CDC20B: variants seen among roughly 807,000 people sequenced by gnomAD.
CDC20B encodes cell division cycle protein 20 homolog B.
In CDC20B, 58 loss-of-function variants were observed where a neutral mutation model predicts 64.1. The observed-to-expected ratio is 0.90, with a 90% confidence interval of 0.73 to 1.13. The LOEUF (loss-of-function observed/expected upper bound fraction) is 1.13, where lower values mean the gene tolerates loss of function less well. Ranked by LOEUF, CDC20B falls within the 50% of genes most tolerant of loss-of-function variation. The pLI is 0.00. For synonymous variants in CDC20B, 243 were observed against 230.6 expected (o/e 1.05, Z -0.49); for missense variants, 597 against 633.0 (o/e 0.94, Z 0.61).
At chr5:55,136,529 A>G (rs188048135) in intron 5 of CDC20B, 1 of 151,496 alleles carries the variant, frequency 6.6e-6, no homozygotes, top group African/African-American at 2.4e-5. Flanking sequence ...ACTGCACTCC[A>G]GCCTGGACGA....
At chr5:55,171,252 G>T (rs1651975528) in intron 2 of CDC20B, among the ~76,000 whole-genome samples, 3 of 152,334 alleles carry the variant, frequency 2.0e-5, no homozygotes, top group Non-Finnish European at 4.4e-5. Flanking sequence ...GCTGGAGTTT[G>T]CAGTGAGCCG....
chr5:55,148,134 C>T (rs1743551138), intron 2 of CDC20B, among the ~76,000 whole-genome samples: 1 of 151,972 alleles, frequency 6.6e-6, no homozygotes, highest in South Asian at 2.1e-4. Flanking sequence ...AAAAACTGGG[C>T]CATAGGACAT....
At chr5:55,160,440 T>C in intron 2 of CDC20B, 1 of 1,487,612 alleles carries the variant, frequency 6.7e-7, no homozygotes, top group Non-Finnish European at 9.3e-7. Context: ...TTTTTCCTTG[T>C]CTCTGTTTAT....
chr5:55,133,551 C>T (rs886822313), intron 5 of CDC20B, 23 bp from the exon 6 acceptor site: 1 of 1,060,146 alleles, frequency 9.4e-7, no homozygotes, highest in Non-Finnish European at 1.4e-6. Flanking sequence ...AACACTTCTA[C>T]ACAGCTCTAA....
rs757668326 is a variant in CDC20B, at chr5:55,172,647, T to C, written c.67A>G (p.Ser23Gly). Residue 23 changes from serine to glycine, a missense_variant, in exon 2 of 12, where the codon AGT becomes GGT. By Grantham distance (56) the Ser-to-Gly change is moderately conservative (BLOSUM62 0). This residue lies in a region of CDC20B where 241 missense variants were observed against 219.2 expected (regional missense o/e 1.10). Transcript: ENST00000381375. ...VRTEEEMLWE[S>G]IMRVLSKDLK... ...TCTTTGGAGAGCACACGCATGATACTTTCCTTTGAAAACACAGATAACATA... is the reference window on the plus strand; with the variant it reads ...TCTTTGGAGAGCACACGCATGATACCTTCCTTTGAAAACACAGATAACATA... 6 of 1,610,802 alleles carry C rather than the reference T, an allele frequency of 3.7e-6. No individual in the cohort carries two copies. Among genetic ancestry groups the C allele is most frequent in the Non-Finnish European group, 5.1e-6 (6 of 1,177,250 alleles).
intron 5 of CDC20B, chr5:55,136,593 A>T (rs1463192414): frequency 6.6e-6 from 1 of 152,070 alleles, no homozygotes; most frequent in Admixed American, 6.6e-5. Context: ...AAGCCATAAA[A>T]ATAGAAGTCT....
At chr5:55,117,056 A>C (rs1742640873) in intron 11 of CDC20B, among the ~76,000 whole-genome samples, 1 of 152,222 alleles carries the variant, frequency 6.6e-6, no homozygotes, top group Non-Finnish European at 1.5e-5. Flanking sequence ...TTCTTTCTGC[A>C]ACTATAGTCA....
At position 55,140,310 on chromosome 5, in the gene CDC20B, G is replaced by A. The variant is rs368807177; in HGVS notation, c.580+4C>T. 1.1e-5 allele frequency: 18 copies of A among 1,599,530 alleles called. No individual in the cohort carries two copies. The highest frequency in any genetic ancestry group is 1.5e-5 in the Non-Finnish European group (18 of 1,169,340). On this transcript the variant is annotated splice_donor_region_variant and intron_variant, in intron 5 of 11. Coordinates refer to ENST00000381375, the MANE Select transcript of CDC20B (RefSeq NM_001170402.1). ...GAAAGAAGGACAATGTCTTGATCCTGTACCTTTCCAAACACATTCGGATTG... is the reference window on the plus strand; with the variant it reads ...GAAAGAAGGACAATGTCTTGATCCTATACCTTTCCAAACACATTCGGATTG...
chr5:55,162,463 T>C (rs1356604380), intron 2 of CDC20B, among the ~76,000 whole-genome samples: 1 of 152,252 alleles, frequency 6.6e-6, no homozygotes, highest in Non-Finnish European at 1.5e-5. Flanking sequence ...TCTTCAGTCC[T>C]ATTTTCACTG....
chr5:55,125,459 A>G (rs1742861282), intron 8 of CDC20B, among the ~76,000 whole-genome samples: 1 of 152,246 alleles, frequency 6.6e-6, no homozygotes, highest in African/African-American at 2.4e-5. Flanking sequence ...TAGACATAGA[A>G]AAAGGAAATA....
At chr5:55,118,005 G>A (rs1360934808) in intron 11 of CDC20B, among the ~76,000 whole-genome samples, 1 of 152,132 alleles carries the variant, frequency 6.6e-6, no homozygotes, top group Non-Finnish European at 1.5e-5. Flanking sequence ...TGTAGTCCCA[G>A]CTACTTGGGA....
In CDC20B at chr5:55,124,902, G is replaced by C; in HGVS notation, c.1116C>G (p.Ser372Arg). The C allele has an allele frequency of 3.1e-6, 5 of 1,614,132 alleles. No homozygotes were observed. The South Asian group carries it at 5.5e-5, about 18-fold the overall frequency. Residue 372 changes from serine to arginine, a missense_variant, in exon 9 of 12, where the codon AGC becomes AGG. Physicochemically the swap from Ser to Arg is moderately radical, Grantham distance 110 (BLOSUM62 -1). Transcript: ENST00000381375. ...TTGTCAGCAGTCCATCACTGCAGCC[G>C]CTGGAAAGCAGCCTGCCATCCGGTG... Reference protein sequence around the residue: ...KWSPDGRLLSSGCSDGLLTIW... With the variant: ...KWSPDGRLLSRGCSDGLLTIW...
intron 8 of CDC20B, 59 bp downstream of exon 8, chr5:55,127,198 C>T: frequency 1.4e-6 from 2 of 1,408,052 alleles, no homozygotes; most frequent in Non-Finnish European, 2.0e-6. Flanking sequence ...ACTGTTTACT[C>T]AGGCCCCATA....
chr5:55,132,057 T>TA (rs990764213), intron 6 of CDC20B, among the ~76,000 whole-genome samples: 11 of 151,092 alleles, frequency 7.3e-5, no homozygotes, highest in Admixed American at 4.6e-4. Context: ...AGACTCTGTT[T>TA]AAAAAAAAAG....
intron 5 of CDC20B, chr5:55,136,035 C>T (rs537504342): frequency 9.2e-5 from 14 of 152,082 alleles, no homozygotes; most frequent in African/African-American, 3.4e-4. Context: ...CTTCCGCCTC[C>T]CTGGTTCAAG....
At chr5:55,125,638 T>C (rs547241956) in intron 8 of CDC20B, among the ~76,000 whole-genome samples, 1 of 152,256 alleles carries the variant, frequency 6.6e-6, no homozygotes, top group Non-Finnish European at 1.5e-5. Context: ...GATGTGAATC[T>C]AAACAACTAA....
intron 3 of CDC20B, among the ~76,000 whole-genome samples, chr5:55,145,617 G>A (rs1204641761): frequency 6.6e-6 from 1 of 152,096 alleles, no homozygotes; most frequent in Non-Finnish European, 1.5e-5. Flanking sequence ...TCACACTGGT[G>A]GTTTGGAGCC....
chr5:55,127,513 G>T (rs758187532), intron 7 of CDC20B, among the ~76,000 whole-genome samples, 162 bp from the exon 8 acceptor site: 2 of 152,190 alleles, frequency 1.3e-5, no homozygotes, highest in Admixed American at 1.3e-4. Context: ...TGTGTATTAG[G>T]ATCAGCTGGG....
intron 2 of CDC20B, among the ~76,000 whole-genome samples, chr5:55,155,717 C>T (rs993291047): frequency 5.3e-5 from 8 of 152,162 alleles, no homozygotes; most frequent in Non-Finnish European, 1.0e-4. Flanking sequence ...CAGCAGCTGC[C>T]CGCAGGGTCT....
Sources: allele counts gnomAD v4.1 joint callset (sites outside exome capture counted in the v4.1 genomes callset), GRCh38; gene constraint gnomAD v4.1.1; regional missense constraint gnomAD v4.1.1; transcripts MANE v1.5; gene names NCBI Gene and HGNC (gene_info 2026-07-23, HGNC 2026-07-21).